RTN4RL1: variants seen among roughly 807,000 people sequenced by gnomAD.
RTN4RL1 encodes the protein reticulon 4 receptor like 1.
RTN4RL1 carries 7 observed loss-of-function variants against 25.6 expected under a neutral mutation model. The ratio of observed to expected loss-of-function variants is 0.27; its 90% CI spans 0.16 to 0.51. The LOEUF is 0.51. Ranked by LOEUF, RTN4RL1 falls within the 20% of genes least tolerant of loss-of-function variation. The probability of loss-of-function intolerance (pLI) is 0.97; values close to 1 mark genes in which losing one functional copy is unlikely to be tolerated. For synonymous variants in RTN4RL1, 297 were observed against 288.2 expected (o/e 1.03, Z -0.31); for missense variants, 500 against 615.6 (o/e 0.81, Z 1.99).
chr17:1,962,297 T>A (rs62069176), intron 1 of RTN4RL1, among the ~76,000 whole-genome samples: 72,906 of 149,548 alleles, frequency 0.49, 19,199 homozygotes, highest in Middle Eastern at 0.63. Context: ...AAAAAGAAAG[T>A]AAGAAAAAAG....
At chr17:1,964,020 C>T (rs747975125) in intron 1 of RTN4RL1, among the ~76,000 whole-genome samples, 1 of 152,150 alleles carries the variant, frequency 6.6e-6, no homozygotes, top group Non-Finnish European at 1.5e-5. Flanking sequence ...GCCACCGCGC[C>T]GGGCCTGCCC....
intron 1 of RTN4RL1, among the ~76,000 whole-genome samples, chr17:1,962,643 T>C (rs2066769994): frequency 6.6e-6 from 1 of 151,712 alleles, no homozygotes; most frequent in Non-Finnish European, 1.5e-5. Flanking sequence ...GGCAGGTGGA[T>C]CATTTGAGGT....
rs58785478 is a variant in RTN4RL1, at chr17:1,935,711, GTATATATATATATATATATA to G, written c.*765_*784del. The G allele has an allele frequency of 4.1e-3, 662 of 159,902 alleles. 67 individuals carry two copies. The highest frequency in any genetic ancestry group is 5.4e-3 in the Non-Finnish European group (621 of 115,342). The allele number at this position is 159,902 out of a possible 1,614,324, so 9.9% of individuals were successfully genotyped here. ...AGTGGGAGGGGGACTGTGCATTTGT[GTATATATATATATATATATA>G]TATATATATATATATATATATATGT... On this transcript the variant is annotated 3_prime_UTR_variant, in exon 2 of 2. Coordinates refer to ENST00000331238, the MANE Select transcript of RTN4RL1 (RefSeq NM_178568.4).
intron 1 of RTN4RL1, among the ~76,000 whole-genome samples, chr17:1,946,197 C>T (rs1915534646): frequency 6.6e-6 from 1 of 152,204 alleles, no homozygotes; most frequent in East Asian, 1.9e-4. Flanking sequence ...CCAGGACAGT[C>T]CCAAACAAAC....
intron 1 of RTN4RL1, among the ~76,000 whole-genome samples, chr17:1,965,142 T>C (rs2151311290): frequency 6.8e-6 from 1 of 147,230 alleles, no homozygotes; most frequent in East Asian, 2.1e-4. Flanking sequence ...GTTGTTTCAC[T>C]CTTGTTGCCC....
At chr17:1,945,384 G>A (rs1478292003) in intron 1 of RTN4RL1, among the ~76,000 whole-genome samples, 7 of 152,062 alleles carry the variant, frequency 4.6e-5, no homozygotes, top group South Asian at 2.1e-4. Context: ...CACCATGCCC[G>A]GCTAATTTTT....
chr17:1,941,347 C>T (rs1290892929), intron 1 of RTN4RL1, among the ~76,000 whole-genome samples: 1 of 152,120 alleles, frequency 6.6e-6, no homozygotes, highest in Non-Finnish European at 1.5e-5. Flanking sequence ...GTACGTGGCT[C>T]GTGGGTGTGC....
chr17:1,969,706 C>T (rs2066809595), intron 1 of RTN4RL1, among the ~76,000 whole-genome samples: 1 of 152,160 alleles, frequency 6.6e-6, no homozygotes, highest in Non-Finnish European at 1.5e-5. Context: ...GAATAAGTAG[C>T]CTTTACCGGT....
At chr17:1,987,739 ACACACACAC>A (rs1264687664) in intron 1 of RTN4RL1, among the ~76,000 whole-genome samples, 33 of 104,262 alleles carry the variant, frequency 3.2e-4, no homozygotes, top group African/African-American at 9.7e-4. Flanking sequence ...ACACACACAC[ACACACACAC>A]ACACACACAC....
intron 1 of RTN4RL1, among the ~76,000 whole-genome samples, chr17:2,001,927 T>TGGGGGAGCGG (rs1555520651): frequency 1.4e-5 from 2 of 146,194 alleles, no homozygotes; most frequent in Non-Finnish European, 3.0e-5. Context: ...ACTTCAGCCC[T>TGGGGGAGCGG]GGGGGAGGGG....
intron 1 of RTN4RL1, among the ~76,000 whole-genome samples, chr17:1,941,554 C>A (rs1915438234): frequency 6.6e-6 from 1 of 152,186 alleles, no homozygotes; most frequent in Non-Finnish European, 1.5e-5. Flanking sequence ...GTGGGCAGCC[C>A]CTCCCGTCCC....
At chr17:1,992,008 A>C (rs866776537) in intron 1 of RTN4RL1, among the ~76,000 whole-genome samples, 1 of 152,098 alleles carries the variant, frequency 6.6e-6, no homozygotes, top group South Asian at 2.1e-4. Flanking sequence ...CCTTGTACAC[A>C]CAGTCCCCCA....
At chr17:1,966,694 A>C (rs543545426) in intron 1 of RTN4RL1, among the ~76,000 whole-genome samples, 4 of 152,210 alleles carry the variant, frequency 2.6e-5, no homozygotes, top group Admixed American at 2.6e-4. Flanking sequence ...TTGGGTGTGG[A>C]GGCTCCTAGA....
chr17:1,944,075 A>T (rs970943084), intron 1 of RTN4RL1, among the ~76,000 whole-genome samples: 3 of 151,984 alleles, frequency 2.0e-5, no homozygotes, highest in Admixed American at 6.6e-5. Context: ...ATAGGCCCAC[A>T]CCACCACGCT....
At chr17:1,984,776 G>C (rs1019227125) in intron 1 of RTN4RL1, among the ~76,000 whole-genome samples, 11 of 152,162 alleles carry the variant, frequency 7.2e-5, no homozygotes, top group Non-Finnish European at 1.5e-4. Context: ...AAGCCAGCCT[G>C]GCCAACATGG....
At chr17:2,001,887 C>G (rs2066959800) in intron 1 of RTN4RL1, among the ~76,000 whole-genome samples, 1 of 152,010 alleles carries the variant, frequency 6.6e-6, no homozygotes, top group South Asian at 2.1e-4. Context: ...TCAGCTCCCC[C>G]CGTCCCCGGC....
intron 1 of RTN4RL1, among the ~76,000 whole-genome samples, chr17:1,949,343 C>T (rs974374557): frequency 7.3e-5 from 11 of 151,688 alleles, no homozygotes; most frequent in South Asian, 2.1e-4. Context: ...GTAATCCGCC[C>T]GCCTCAGCCT....
At chr17:1,942,211 G>C (rs1915451846) in intron 1 of RTN4RL1, among the ~76,000 whole-genome samples, 1 of 152,134 alleles carries the variant, frequency 6.6e-6, no homozygotes, top group Non-Finnish European at 1.5e-5. Flanking sequence ...GTGCTCGGCT[G>C]ACTGCTCGGG....
chr17:2,023,087 G>A (rs962357354), intron 1 of RTN4RL1, among the ~76,000 whole-genome samples: 4 of 152,194 alleles, frequency 2.6e-5, no homozygotes, highest in African/African-American at 9.7e-5. Flanking sequence ...ACTGCCAAAA[G>A]ACAAAAGACC....
Sources: allele counts gnomAD v4.1 joint callset (sites outside exome capture counted in the v4.1 genomes callset), GRCh38; gene constraint gnomAD v4.1.1; transcripts MANE v1.5; gene names NCBI Gene and HGNC (gene_info 2026-07-23, HGNC 2026-07-21).